Variants in SIPA1L1 observed in about 807,000 individuals in gnomAD.
SIPA1L1 encodes the protein signal induced proliferation associated 1 like 1.
SIPA1L1 carries 26 observed loss-of-function variants against 162.7 expected under a neutral mutation model. That is an observed-to-expected ratio of 0.16 (90% CI 0.12 to 0.22). The LOEUF (loss-of-function observed/expected upper bound fraction) is 0.22. Among genes scored for constraint, SIPA1L1 ranks in the 10% least tolerant of loss-of-function variants. SIPA1L1 has a pLI of 1.00. For synonymous variants in SIPA1L1, 829 were observed against 837.4 expected (o/e 0.99, Z 0.17); for missense variants, 1,874 against 2,241.0 (o/e 0.84, Z 3.31).
intron 5 of SIPA1L1, among the ~76,000 whole-genome samples, chr14:71,594,012 T>C (rs939501368): frequency 6.6e-6 from 1 of 152,216 alleles, no homozygotes; most frequent in Non-Finnish European, 1.5e-5. Context: ...CTAAATATTC[T>C]TTGGATAACT....
chr14:71,517,052 T>A (rs2051809789), intron 3 of SIPA1L1, among the ~76,000 whole-genome samples: 1 of 151,162 alleles, frequency 6.6e-6, no homozygotes, highest in South Asian at 2.1e-4. Flanking sequence ...AGAGTTTTAA[T>A]TGAAGTTTGG....
chr14:71,534,261 A>T (rs2053694516), intron 4 of SIPA1L1, among the ~76,000 whole-genome samples: 1 of 152,282 alleles, frequency 6.6e-6, no homozygotes, highest in African/African-American at 2.4e-5. Context: ...CTTGGTTTGC[A>T]TTTGTATAAA....
intron 17 of SIPA1L1, among the ~76,000 whole-genome samples, chr14:71,713,693 A>C (rs2150062792): frequency 6.6e-6 from 1 of 152,310 alleles, no homozygotes; most frequent in African/African-American, 2.4e-5. Context: ...TTTACATTGA[A>C]CATTAGGACT....
At chr14:71,600,812 A>C (rs557469152) in intron 5 of SIPA1L1, among the ~76,000 whole-genome samples, 1 of 151,992 alleles carries the variant, frequency 6.6e-6, no homozygotes, top group African/African-American at 2.4e-5. Context: ...ATTTATTCCT[A>C]GGTATTTTTC....
chr14:71,675,230 C>T (rs1421124145), intron 12 of SIPA1L1, among the ~76,000 whole-genome samples: 2 of 152,178 alleles, frequency 1.3e-5, no homozygotes, highest in Non-Finnish European at 2.9e-5. Context: ...CTCAGGCCTT[C>T]CCGGAGGAGC....
intron 7 of SIPA1L1, among the ~76,000 whole-genome samples, chr14:71,627,668 A>T (rs1433016386): frequency 6.6e-6 from 1 of 152,154 alleles, no homozygotes; most frequent in East Asian, 1.9e-4. Context: ...CTATGTTCTA[A>T]TCACTTTACT....
At chr14:71,511,176 G>A (rs1355407385) in intron 2 of SIPA1L1, among the ~76,000 whole-genome samples, 3 of 152,194 alleles carry the variant, frequency 2.0e-5, no homozygotes, top group African/African-American at 4.8e-5. Context: ...ATGTTGCCTA[G>A]TGTGACATAA....
rs199951455 is a variant in SIPA1L1 at position 71,442,008 on chromosome 14, C to A, written c.-464-70735C>A. 4.0e-5 allele frequency among the ~76,000 whole-genome samples: 6 copies of A among 151,338 alleles called. No homozygotes were observed. The East Asian group carries it at 7.8e-4, about 20-fold the overall frequency. On this transcript the variant is annotated intron_variant, in intron 2 of 23. Coordinates refer to ENST00000381232, the MANE Select transcript of SIPA1L1 (RefSeq NM_001386936.1). ...TCAGCAGGGTGAAACCTCGTCTTCACTAAAAATACAAAAAATTAGGTAGGC... is the reference window on the plus strand; with the variant it reads ...TCAGCAGGGTGAAACCTCGTCTTCAATAAAAATACAAAAAATTAGGTAGGC...
At chr14:71,502,782 T>G (rs1347027880) in intron 2 of SIPA1L1, among the ~76,000 whole-genome samples, 1 of 152,202 alleles carries the variant, frequency 6.6e-6, no homozygotes, top group Non-Finnish European at 1.5e-5. Context: ...CTCGTAAGAC[T>G]CCTCTAACAC....
intron 8 of SIPA1L1, among the ~76,000 whole-genome samples, chr14:71,657,357 A>G (rs1277728030): frequency 6.6e-6 from 1 of 151,782 alleles, no homozygotes; most frequent in African/African-American, 2.4e-5. Context: ...AAAAAAAAAA[A>G]AAAAAAAAAA....
intron 2 of SIPA1L1, among the ~76,000 whole-genome samples, chr14:71,349,165 A>C (rs1594937623): frequency 1.3e-5 from 2 of 152,302 alleles, no homozygotes; most frequent in East Asian, 3.9e-4. Flanking sequence ...CATTTGATGG[A>C]GAATCATGGC....
At chr14:71,649,711 A>G (rs2042463829) in intron 7 of SIPA1L1, among the ~76,000 whole-genome samples, 1 of 152,206 alleles carries the variant, frequency 6.6e-6, no homozygotes, top group South Asian at 2.1e-4. Flanking sequence ...GTTTCTCTGC[A>G]GACACTCATC....
chr14:71,615,831 C>T (rs2038773886), intron 5 of SIPA1L1, among the ~76,000 whole-genome samples: 1 of 152,058 alleles, frequency 6.6e-6, no homozygotes, highest in East Asian at 1.9e-4. Context: ...ACCATCTCTA[C>T]AAAAAATATA....
chr14:71,382,657 T>G (rs1023339438), intron 2 of SIPA1L1, among the ~76,000 whole-genome samples: 1 of 150,816 alleles, frequency 6.6e-6, no homozygotes, highest in African/African-American at 2.4e-5. Context: ...TCGGTAAGGG[T>G]TTTTTTTTGT....
chr14:71,506,713 A>AT (rs2050698559), intron 2 of SIPA1L1, among the ~76,000 whole-genome samples: 1 of 149,642 alleles, frequency 6.7e-6, no homozygotes, highest in South Asian at 2.1e-4. Context: ...TTTAATGTTT[A>AT]TTTTTTTGAT....
chr14:71,410,682 G>A (rs1053046664), intron 2 of SIPA1L1, among the ~76,000 whole-genome samples: 1 of 152,114 alleles, frequency 6.6e-6, no homozygotes, highest in African/African-American at 2.4e-5. Context: ...GAGTATTTCC[G>A]ATTTCATGTT....
chr14:71,375,400 A>G (rs955352159), intron 2 of SIPA1L1, among the ~76,000 whole-genome samples: 33 of 152,312 alleles, frequency 2.2e-4, no homozygotes, highest in African/African-American at 7.9e-4. Context: ...ATTGTCTGCT[A>G]CTAATATGTA....
At chr14:71,526,339 T>A (rs1382005051) in intron 3 of SIPA1L1, among the ~76,000 whole-genome samples, 2 of 152,166 alleles carry the variant, frequency 1.3e-5, no homozygotes, top group African/African-American at 4.8e-5. Context: ...CTTTTCCTTC[T>A]CCCAGTCTGT....
intron 2 of SIPA1L1, among the ~76,000 whole-genome samples, chr14:71,372,725 A>G (rs895272547): frequency 2.6e-5 from 4 of 152,170 alleles, no homozygotes; most frequent in Admixed American, 2.0e-4. Flanking sequence ...AGTTATAGCC[A>G]TAAACACTTA....
Sources: allele counts gnomAD v4.1 joint callset (sites outside exome capture counted in the v4.1 genomes callset), GRCh38; gene constraint gnomAD v4.1.1; transcripts MANE v1.5; gene names NCBI Gene and HGNC (gene_info 2026-07-23, HGNC 2026-07-21).